The following ATP23 variants were observed in gnomAD, a reference collection of about 807,000 sequenced individuals.
ATP23 encodes mitochondrial inner membrane protease ATP23 homolog.
Under a neutral mutation model 28.5 loss-of-function variants are expected in ATP23, and 24 were observed. That is an observed-to-expected ratio of 0.84 (90% confidence interval 0.61 to 1.18). The LOEUF (loss-of-function observed/expected upper bound fraction) is 1.18. Among genes scored for constraint, ATP23 ranks in the 50% most tolerant of loss-of-function variants. ATP23 has a pLI of 0.00. For missense variants in ATP23, 274 were observed against 306.4 expected (o/e 0.89, Z 0.79); for synonymous variants, 99 against 108.6 (o/e 0.91, Z 0.55).
In ATP23 at chr12:57,941,609, G is replaced by T; in HGVS notation, c.-93G>T. On this transcript the variant is annotated 5_prime_UTR_variant, in exon 1 of 6. Transcript: ENST00000300145. The stretch of plus-strand genomic sequence containing the variant: ...CTTCTTCCCTGCGGAGGGAGGGCCT[G>T]GGCGGTCGCGTTGGCGGGAGGGAGG... 2 of 1,502,892 alleles carry T rather than the reference G, an allele frequency of 1.3e-6. No individual in the cohort carries two copies. Among genetic ancestry groups the T allele is most frequent in the East Asian group, 4.7e-5 (2 of 42,766 alleles). 93.1% of individuals were successfully genotyped at this position (1,502,892 alleles called of 1,614,324 possible).
intron 4 of ATP23, 133 bp downstream of exon 4, chr12:57,952,028 A>T (rs1238535229): frequency 2.8e-6 from 3 of 1,068,766 alleles, no homozygotes; most frequent in Non-Finnish European, 4.1e-6. Flanking sequence ...TATAACTAAC[A>T]TTGAATACCA....
At chr12:57,946,648 G>T (rs1956764402) in intron 2 of ATP23, among the ~76,000 whole-genome samples, 2 of 151,370 alleles carry the variant, frequency 1.3e-5, no homozygotes, top group Admixed American at 1.3e-4. Context: ...AGAGATGGGG[G>T]GTTCTCCATG....
chr12:57,956,841 A>G lies in ATP23; in HGVS notation c.692A>G (p.Tyr231Cys), dbSNP rs777695491. ...CCACATAACAAGACTTATGCAAGAT[A>G]TGCTCACAGAGACTTTGAAAACCGT... Reference protein sequence around the residue: ...RIPHNKTYARYAHRDFENRDR... With the variant: ...RIPHNKTYARCAHRDFENRDR... Residue 231 changes from tyrosine to cysteine, a missense_variant, in exon 6 of 6, where the codon TAT becomes TGT. By Grantham distance (194) the Tyr-to-Cys change is radical. Transcript: ENST00000300145. 2 of 1,613,798 alleles carry G rather than the reference A, an allele frequency of 1.2e-6. No homozygotes were observed. Among genetic ancestry groups the G allele is most frequent in the Admixed American group, 1.7e-5 (1 of 59,972 alleles).
At chr12:57,947,675 C>T (rs550568681) in intron 3 of ATP23, among the ~76,000 whole-genome samples, 13 of 152,128 alleles carry the variant, frequency 8.5e-5, no homozygotes, top group African/African-American at 2.7e-4. Context: ...ATTTGGGCAA[C>T]GATTGTATCT....
chr12:57,941,576 A>T lies in ATP23; in HGVS notation c.-126A>T. ...CCCGCCTAACGTCTTCAGCCCAGCC[A>T]GGCTGCCCTTCTTCCCTGCGGAGGG... On this transcript the variant is annotated 5_prime_UTR_variant, in exon 1 of 6. Transcript: ENST00000300145. 1 of 1,307,532 alleles carries T rather than the reference A, an allele frequency of 7.6e-7. No homozygotes were observed. Among genetic ancestry groups the T allele is most frequent in the South Asian group, 1.5e-5 (1 of 65,230 alleles). 81.0% of individuals were successfully genotyped at this position (1,307,532 alleles called of 1,614,324 possible).
chr12:57,956,575 A>G (rs2140544456), intron 5 of ATP23, 112 bp from the exon 6 acceptor site: 1 of 874,528 alleles, frequency 1.1e-6, no homozygotes, highest in Non-Finnish European at 1.7e-6. Context: ...AGAAATTAGT[A>G]AAATAATATG....
At chr12:57,947,107 C>T (rs1025829647) in intron 3 of ATP23, 31 bp downstream of exon 3, 3 of 1,589,428 alleles carry the variant, frequency 1.9e-6, no homozygotes, top group Non-Finnish European at 2.6e-6. Context: ...GTTTCCTTCC[C>T]TTTAATCCTC....
At chr12:57,951,115 T>C (rs1181816597) in intron 3 of ATP23, among the ~76,000 whole-genome samples, 2 of 152,216 alleles carry the variant, frequency 1.3e-5, no homozygotes, top group Non-Finnish European at 2.9e-5. Context: ...CAGTGTGCTG[T>C]TGTGTTTTGC....
At chr12:57,948,650 G>A (rs1956786428) in intron 3 of ATP23, among the ~76,000 whole-genome samples, 1 of 152,036 alleles carries the variant, frequency 6.6e-6, no homozygotes, top group South Asian at 2.1e-4. Flanking sequence ...ACATCTATAT[G>A]TACACTTTCA....
intron 2 of ATP23, 28 bp from the exon 3 acceptor site, chr12:57,946,967 G>T: frequency 1.2e-6 from 2 of 1,610,554 alleles, no homozygotes; most frequent in South Asian, 2.2e-5. Context: ...ACTGTTTCTG[G>T]ACATTGTCTC....
chr12:57,954,193 T>TAA (rs1956843325), intron 5 of ATP23, among the ~76,000 whole-genome samples: 1 of 52,304 alleles, frequency 1.9e-5, no homozygotes, highest in Non-Finnish European at 3.0e-5. Flanking sequence ...AGACTCCATC[T>TAA]CAAAAAAAAA....
At position 57,953,765 on chromosome 12, in the gene ATP23, A is replaced by C. The variant is rs12297812; in HGVS notation, c.537+76A>C. ...TAATGAATAAAGAAATGAAAAGTAC[A>C]TTCAGTATTTGAAATTTGAAAGAAC... On this transcript the variant is annotated intron_variant, in intron 5 of 5. Coordinates refer to ENST00000300145, the MANE Select transcript of ATP23 (RefSeq NM_033276.4). The C allele has an allele frequency of 2.3e-3, 3,044 of 1,301,200 alleles. 58 individuals are homozygous for C. The African/African-American group carries it at 0.039, about 17-fold the overall frequency. 80.6% of individuals were successfully genotyped at this position (1,301,200 alleles called of 1,614,324 possible).
chr12:57,941,967 C>T (rs1183463899), intron 1 of ATP23, 79 bp downstream of exon 1: 5 of 1,538,378 alleles, frequency 3.3e-6, no homozygotes, highest in Admixed American at 2.0e-5. Context: ...CTGGGCAACA[C>T]CTGGCCAGGG....
intron 1 of ATP23, among the ~76,000 whole-genome samples, chr12:57,942,399 A>ATG (rs142109533): frequency 1.4e-4 from 21 of 148,120 alleles, no homozygotes; most frequent in Non-Finnish European, 2.5e-4. Context: ...AATCGTGTGT[A>ATG]TGTGTGTGTG....
chr12:57,953,606 G>C lies in ATP23; in HGVS notation c.454G>C (p.Val152Leu). Residue 152 changes from valine (V) to leucine (L), a missense_variant and splice_region_variant, in exon 5 of 6, where the codon GTT (valine) becomes CTT (leucine). Coordinates refer to ENST00000300145, the MANE Select transcript of ATP23 (RefSeq NM_033276.4). ...TNIRHLACSEVRAANLSGDCS... is the reference protein window; with the variant it reads ...TNIRHLACSELRAANLSGDCS... ...TTTTTATTTGTCTTCTGTGTGATAGGTTCGAGCTGCTAACCTTAGTGGAGA... is the reference window on the plus strand; with the variant it reads ...TTTTTATTTGTCTTCTGTGTGATAGCTTCGAGCTGCTAACCTTAGTGGAGA... 6.2e-7 allele frequency: 1 copy of C among 1,613,948 alleles called. No individual in the cohort carries two copies. Among genetic ancestry groups the C allele is most frequent in the Non-Finnish European group, 8.5e-7 (1 of 1,179,922 alleles).
intron 3 of ATP23, among the ~76,000 whole-genome samples, chr12:57,947,387 A>G (rs1195159764): frequency 6.6e-6 from 1 of 152,222 alleles, no homozygotes; most frequent in African/African-American, 2.4e-5. Context: ...ACTAGAGGAT[A>G]TAAAGCCTCC....
Position 57,953,648 on chromosome 12 carries a change from G to A in ATP23, c.496G>A (p.Glu166Lys), listed in dbSNP as rs1237060761. ...NLSGDCSLVN[E>K]IFRLHFGLKQ... ...TAGTGGAGACTGCTCACTTGTCAAT[G>A]AAATATTCAGGTTACATTTTGGATT... The change falls in exon 5 of 6, where the codon GAA becomes AAA. Residue 166 changes from glutamate (E) to lysine (K), a missense_variant. Glu to Lys is a moderately conservative substitution (Grantham distance 56). Coordinates refer to ENST00000300145, the MANE Select transcript of ATP23 (RefSeq NM_033276.4). 1 of 1,614,102 alleles carries A rather than the reference G, an allele frequency of 6.2e-7. No homozygotes were observed.
Position 57,951,851 on chromosome 12 carries a change from C to T in ATP23, c.409C>T (p.His137Tyr). ...LIHAFDHCRA[H>Y]VDWFTNIRHL... is the part of the protein sequence containing the mutation. ...TCATGCATTTGATCATTGTCGTGCCCATGTCGACTGGTTCACCAACATCAG... is the reference window on the plus strand; with the variant it reads ...TCATGCATTTGATCATTGTCGTGCCTATGTCGACTGGTTCACCAACATCAG... Residue 137 changes from histidine to tyrosine, a missense_variant, in exon 4 of 6, where the codon CAT becomes TAT. By Grantham distance (83) the His-to-Tyr change is moderately conservative. Coordinates refer to ENST00000300145, the MANE Select transcript of ATP23 (RefSeq NM_033276.4). 1 of 1,614,174 alleles carries T rather than the reference C, an allele frequency of 6.2e-7. No individual in the cohort carries two copies. The highest frequency in any genetic ancestry group is 8.5e-7 in the Non-Finnish European group (1 of 1,180,028).
At chr12:57,952,611 C>G (rs1052201515) in intron 4 of ATP23, among the ~76,000 whole-genome samples, 16 of 152,196 alleles carry the variant, frequency 1.1e-4, no homozygotes, top group Non-Finnish European at 2.1e-4. Flanking sequence ...TAATCTAAAT[C>G]TCAAGCCTAT....
Sources: allele counts gnomAD v4.1 joint callset (sites outside exome capture counted in the v4.1 genomes callset), GRCh38; gene constraint gnomAD v4.1.1; transcripts MANE v1.5; gene names NCBI Gene and HGNC (gene_info 2026-07-23, HGNC 2026-07-21).